The following FANK1 variants were observed in gnomAD, a reference collection of about 807,000 sequenced individuals.
FANK1 encodes the protein fibronectin type 3 and ankyrin repeat domains protein 1.
A neutral mutation model predicts 45.3 loss-of-function variants in FANK1; 44 were observed. The observed-to-expected ratio is 0.97, with a 90% CI of 0.76 to 1.25. The LOEUF (loss-of-function observed/expected upper bound fraction) is 1.25. FANK1 is among the 50% of genes most tolerant of loss of function. FANK1 has a pLI of 0.00. For synonymous variants in FANK1, 149 were observed against 152.5 expected (o/e 0.98, Z 0.17); for missense variants, 391 against 424.4 (o/e 0.92, Z 0.69).
intron 1 of FANK1, among the ~76,000 whole-genome samples, chr10:125,962,244 GCACC>G (rs1409376508): frequency 6.6e-6 from 1 of 152,140 alleles, no homozygotes; most frequent in Non-Finnish European, 1.5e-5. Flanking sequence ...AGACCCCCTT[GCACC>G]CACCATAGCT....
chr10:125,982,135 T>C (rs1951261122), intron 2 of FANK1, among the ~76,000 whole-genome samples: 1 of 152,198 alleles, frequency 6.6e-6, no homozygotes, highest in East Asian at 1.9e-4. Flanking sequence ...ATGAGAAACA[T>C]TTCTCTTGAG....
intron 1 of FANK1, chr10:125,972,603 C>G (rs1950586932): frequency 6.6e-6 from 1 of 152,134 alleles, no homozygotes; most frequent in Admixed American, 6.6e-5. Context: ...CATGACCTGA[C>G]CATCCAGGTC....
At position 125,981,014 on chromosome 10, in the gene FANK1, T is replaced by C. The variant is rs571471565; in HGVS notation, c.191+676T>C. 3 of 126,968 alleles carry C rather than the reference T, an allele frequency of 2.4e-5. No homozygotes were observed. The East Asian group carries it at 6.5e-4, about 28-fold the overall frequency. The allele number at this position is 126,968 out of a possible 1,614,324, so 7.9% of individuals were successfully genotyped here. On this transcript the variant is annotated intron_variant, in intron 2 of 10. Coordinates refer to ENST00000368693, the MANE Select transcript of FANK1 (RefSeq NM_145235.5). ...GGCTTATTTTACTTGTTTACTTGTT[T>C]GCTTAGTTTGTTTACCTTGTTGTTT... is the stretch of plus-strand genomic sequence containing the variant.
chr10:125,942,581 A>G (rs1378027883), intron 1 of FANK1, among the ~76,000 whole-genome samples: 1 of 152,208 alleles, frequency 6.6e-6, no homozygotes, highest in African/African-American at 2.4e-5. Flanking sequence ...AAAAGCTAAC[A>G]TTAACTAAAA....
At chr10:125,953,787 C>G (rs935825905) in intron 1 of FANK1, among the ~76,000 whole-genome samples, 7 of 152,296 alleles carry the variant, frequency 4.6e-5, no homozygotes, top group Middle Eastern at 3.4e-3. Context: ...CCCTGCCCCT[C>G]CTAGCTGGGC....
rs777746099 is a variant in FANK1 at position 125,997,402 on chromosome 10, TAA to T, written c.474-17_474-16del. ...TCAAGGTGACTTATCTAGCTACACT[TAA>T]GTTTGTTTCCTTTAGGCTTGTGAAA... On this transcript the variant is annotated splice_polypyrimidine_tract_variant and intron_variant, in intron 5 of 10. Transcript: ENST00000368693. 5.0e-6 allele frequency: 8 copies of T among 1,611,792 alleles called. No homozygotes were observed. The East Asian group carries it at 6.7e-5, about 13-fold the overall frequency.
chr10:126,007,671 C>A (rs1953326357), intron 7 of FANK1, among the ~76,000 whole-genome samples: 2 of 139,298 alleles, frequency 1.4e-5, no homozygotes, highest in South Asian at 5.0e-4. Context: ...CTTATGTGCA[C>A]ATGGTATGCG....
intron 6 of FANK1, among the ~76,000 whole-genome samples, chr10:126,002,881 A>T (rs1003817386): frequency 6.6e-6 from 1 of 150,508 alleles, no homozygotes; most frequent in Non-Finnish European, 1.5e-5. Flanking sequence ...ATTAACCTGC[A>T]TAGTAATCGT....
At chr10:125,966,112 A>C (rs897099462) in intron 1 of FANK1, among the ~76,000 whole-genome samples, 1 of 151,956 alleles carries the variant, frequency 6.6e-6, no homozygotes, top group African/African-American at 2.4e-5. Context: ...TTTGTCTTTT[A>C]TTGTTTTTGC....
At position 125,904,845 on chromosome 10, in the gene FANK1, G is replaced by T. The variant is rs559161122; in HGVS notation, c.13+8190G>T. Among the ~76,000 whole-genome samples, 6 of 151,896 alleles carry T rather than the reference G, an allele frequency of 4.0e-5. No individual in the cohort carries two copies. In the East Asian group the frequency reaches 1.2e-3, roughly 29 times the overall value. The stretch of plus-strand genomic sequence containing the variant: ...ATTTTTGTTCTCTTAAAAGTTTCTG[G>T]CCGGGCGCGGTGGCTCACGCCTGTA... On this transcript the variant is annotated intron_variant, in intron 1 of 10. Transcript: ENST00000368693.
At chr10:125,924,169 T>C (rs1434855301) in intron 1 of FANK1, among the ~76,000 whole-genome samples, 2 of 152,240 alleles carry the variant, frequency 1.3e-5, no homozygotes, top group Non-Finnish European at 2.9e-5. Context: ...TGTGTTTCTT[T>C]TGTATTTCAT....
At chr10:125,901,633 CCT>C (rs1589758562) in intron 1 of FANK1, among the ~76,000 whole-genome samples, 1 of 152,190 alleles carries the variant, frequency 6.6e-6, no homozygotes, top group African/African-American at 2.4e-5. Context: ...AACAAGCTTT[CCT>C]CTCTGCCAGG....
intron 6 of FANK1, among the ~76,000 whole-genome samples, chr10:125,998,746 T>C (rs554784923): frequency 1.3e-5 from 2 of 152,340 alleles, no homozygotes; most frequent in South Asian, 4.1e-4. Flanking sequence ...ATGGATACTT[T>C]TTTTCTGAGA....
intron 1 of FANK1, among the ~76,000 whole-genome samples, chr10:125,928,260 C>G (rs61870921): frequency 4.2e-5 from 3 of 71,242 alleles, no homozygotes; most frequent in South Asian, 6.3e-4. Context: ...ATTATTCGTG[C>G]CTTTTTTTTT....
At chr10:125,952,768 C>T (rs1392212405) in intron 1 of FANK1, among the ~76,000 whole-genome samples, 1 of 150,370 alleles carries the variant, frequency 6.7e-6, no homozygotes, top group Non-Finnish European at 1.5e-5. Flanking sequence ...CCCTTAAGAC[C>T]TTTGCTGCTG....
intron 1 of FANK1, among the ~76,000 whole-genome samples, chr10:125,959,538 C>T (rs1403955001): frequency 6.6e-6 from 1 of 151,700 alleles, no homozygotes; most frequent in Non-Finnish European, 1.5e-5. Context: ...GATGGGGCAA[C>T]CTAATGCCCA....
chr10:125,962,070 A>G (rs1175815368), intron 1 of FANK1, among the ~76,000 whole-genome samples: 1 of 152,222 alleles, frequency 6.6e-6, no homozygotes, highest in Non-Finnish European at 1.5e-5. Context: ...ATGGGAGAAA[A>G]TATTTGCAAG....
chr10:125,913,779 C>T (rs1466125037), intron 1 of FANK1, among the ~76,000 whole-genome samples: 1 of 152,094 alleles, frequency 6.6e-6, no homozygotes, highest in African/African-American at 2.4e-5. Context: ...GAGGCTGAGA[C>T]CCACCTTGCA....
chr10:125,978,383 C>T (rs937150460), intron 1 of FANK1, among the ~76,000 whole-genome samples: 8 of 152,210 alleles, frequency 5.3e-5, no homozygotes, highest in South Asian at 4.2e-4. Context: ...AGCCCCTGAT[C>T]GCCTCGGATA....
Sources: gnomAD v4.1 joint callset for allele counts (sites outside exome capture counted in the v4.1 genomes callset) on GRCh38, gnomAD v4.1.1 for gene constraint, MANE v1.5 for transcripts, NCBI Gene and HGNC (gene_info 2026-07-23, HGNC 2026-07-21) for gene names.